The following NRG3 variants were observed in gnomAD, a reference collection of about 807,000 sequenced individuals.
NRG3 encodes the protein neuregulin 3, also known as pro-neuregulin-3, membrane-bound isoform.
In NRG3, 31 loss-of-function variants were observed where a neutral mutation model predicts 66.9. That is an observed-to-expected ratio of 0.46 (90% CI 0.35 to 0.63). The LOEUF is 0.63. NRG3 is among the 20% of genes least tolerant of loss of function. The probability of loss-of-function intolerance (pLI) is 0.00; values close to 1 mark genes in which losing one functional copy is unlikely to be tolerated. For missense variants in NRG3, 910 were observed against 878.9 expected, an observed-to-expected ratio of 1.04 and a Z score of -0.45; for synonymous variants, 393 against 359.4, an observed-to-expected ratio of 1.09 and a Z score of -1.06.
chr10:82,541,177 C>A (rs1476191707), intron 2 of NRG3, among the ~76,000 whole-genome samples: 1 of 151,860 alleles, frequency 6.6e-6, no homozygotes, highest in Non-Finnish European at 1.5e-5. Context: ...ATAGCCCTAG[C>A]AAACTAATAC....
intron 2 of NRG3, among the ~76,000 whole-genome samples, chr10:82,575,233 A>G (rs1190474370): frequency 1.3e-5 from 2 of 151,810 alleles, no homozygotes; most frequent in Non-Finnish European, 2.9e-5. Flanking sequence ...CTGTAAGGAG[A>G]AAAAGTTTAG....
In NRG3 at chr10:82,559,692, C is replaced by T. The variant is rs190040153; in HGVS notation, c.954-178885C>T. ...CAAATGCACATGCATGCATAATGGT[C>T]CTTAGTCATTGTTTTTACAAATATA... On this transcript the variant is annotated intron_variant, in intron 2 of 8. Transcript: ENST00000372141. Among the ~76,000 whole-genome samples the T allele has an allele frequency of 3.9e-5, 6 of 152,244 alleles. No individual in the cohort carries two copies. In the East Asian group the frequency reaches 1.2e-3, roughly 29 times the overall value.
intron 2 of NRG3, among the ~76,000 whole-genome samples, chr10:82,573,381 CA>C (rs1433066804): frequency 4.0e-5 from 6 of 151,818 alleles, no homozygotes; most frequent in Admixed American, 2.0e-4. Context: ...ATAACTTTCT[CA>C]AAGCCTTTTT....
intron 1 of NRG3, among the ~76,000 whole-genome samples, chr10:81,922,243 C>G (rs950852542): frequency 6.6e-6 from 1 of 152,114 alleles, no homozygotes; most frequent in Non-Finnish European, 1.5e-5. Context: ...CGTTTTTTAA[C>G]AAATCCTCCT....
intron 1 of NRG3, among the ~76,000 whole-genome samples, chr10:82,023,249 CT>C (rs2062142258): frequency 6.6e-6 from 1 of 151,898 alleles, no homozygotes; most frequent in Non-Finnish European, 1.5e-5. Context: ...ATCAGTTCTG[CT>C]AGTTTTTTTG....
intron 1 of NRG3, among the ~76,000 whole-genome samples, chr10:82,297,561 C>T (rs952847008): frequency 2.0e-5 from 3 of 152,062 alleles, no homozygotes; most frequent in South Asian, 2.1e-4. Context: ...TGTAGCTCCC[C>T]GATTCTGACT....
At chr10:81,911,918 T>A (rs187912699) in intron 1 of NRG3, among the ~76,000 whole-genome samples, 1 of 152,258 alleles carries the variant, frequency 6.6e-6, no homozygotes, top group Admixed American at 6.5e-5. Context: ...TGTTATTGCT[T>A]ATTTTAGAAT....
chr10:82,622,646 C>A (rs1426734894), intron 2 of NRG3, among the ~76,000 whole-genome samples: 2 of 152,170 alleles, frequency 1.3e-5, no homozygotes, highest in East Asian at 3.9e-4. Flanking sequence ...AGGATACTCT[C>A]ATGATGCTGG....
At chr10:82,643,519 G>T (rs899582061) in intron 2 of NRG3, among the ~76,000 whole-genome samples, 1 of 151,922 alleles carries the variant, frequency 6.6e-6, no homozygotes, top group Non-Finnish European at 1.5e-5. Flanking sequence ...CCACATGATT[G>T]CCAAGGTTTC....
chr10:82,250,449 G>T (rs1050756217), intron 1 of NRG3, among the ~76,000 whole-genome samples: 3 of 152,010 alleles, frequency 2.0e-5, no homozygotes, highest in African/African-American at 7.3e-5. Context: ...ATCTGGGCAT[G>T]GTGGCAGGCA....
At chr10:82,389,568 A>C (rs1005828547) in intron 2 of NRG3, among the ~76,000 whole-genome samples, 2 of 152,210 alleles carry the variant, frequency 1.3e-5, no homozygotes, top group Admixed American at 1.3e-4. Flanking sequence ...GAAGAAAAAA[A>C]TACAAACATT....
intron 2 of NRG3, among the ~76,000 whole-genome samples, chr10:82,703,811 T>G (rs1271154647): frequency 1.3e-5 from 2 of 152,144 alleles, no homozygotes; most frequent in Non-Finnish European, 2.9e-5. Context: ...GACCTTCTTT[T>G]TGGTCCTGGT....
chr10:82,019,820 TTCTC>T (rs1225029627), intron 1 of NRG3, among the ~76,000 whole-genome samples: 1 of 152,164 alleles, frequency 6.6e-6, no homozygotes, highest in East Asian at 1.9e-4. Context: ...TATTTGATTC[TTCTC>T]TCTTTTTTTC....
chr10:82,846,436 TA>T (rs890045240), intron 3 of NRG3, among the ~76,000 whole-genome samples: 1 of 152,130 alleles, frequency 6.6e-6, no homozygotes, highest in East Asian at 1.9e-4. Flanking sequence ...AAATACATTT[TA>T]AAAAAATGCA....
At chr10:82,283,745 C>T (rs931071501) in intron 1 of NRG3, among the ~76,000 whole-genome samples, 2 of 152,106 alleles carry the variant, frequency 1.3e-5, no homozygotes, top group African/African-American at 2.4e-5. Flanking sequence ...GTTGTGTCTC[C>T]GTGTTCTACC....
chr10:82,837,381 A>C (rs762802104), intron 3 of NRG3, among the ~76,000 whole-genome samples: 1 of 152,126 alleles, frequency 6.6e-6, no homozygotes, highest in Admixed American at 6.6e-5. Flanking sequence ...CCTCTTACCC[A>C]TTGGCTTATT....
intron 2 of NRG3, among the ~76,000 whole-genome samples, chr10:82,525,517 T>A (rs1846613672): frequency 6.6e-6 from 1 of 151,846 alleles, no homozygotes; most frequent in Non-Finnish European, 1.5e-5. Context: ...TGATAACTTT[T>A]GAGCAGACCA....
At chr10:81,992,636 G>T (rs1368719917) in intron 1 of NRG3, among the ~76,000 whole-genome samples, 1 of 152,126 alleles carries the variant, frequency 6.6e-6, no homozygotes, top group Non-Finnish European at 1.5e-5. Context: ...CTAACACTGT[G>T]GATGAGCTAG....
intron 2 of NRG3, among the ~76,000 whole-genome samples, chr10:82,534,262 A>T (rs777865154): frequency 2.7e-5 from 4 of 150,464 alleles, no homozygotes; most frequent in Middle Eastern, 6.9e-3. Flanking sequence ...AGAAAAATCC[A>T]TTTTGTTTTT....
Sources: gnomAD v4.1 joint callset for allele counts (sites outside exome capture counted in the v4.1 genomes callset) on GRCh38, gnomAD v4.1.1 for gene constraint, MANE v1.5 for transcripts, NCBI Gene and HGNC (gene_info 2026-07-23, HGNC 2026-07-21) for gene names.